PCDHA4: variants seen among roughly 807,000 people sequenced by gnomAD.
PCDHA4 encodes protocadherin alpha-4.
In PCDHA4, 49 loss-of-function variants were observed where a neutral mutation model predicts 61.4. That is an observed-to-expected ratio of 0.80 (90% CI 0.63 to 1.01). The LOEUF is 1.01. Ranked by LOEUF, PCDHA4 falls within the 50% of genes least tolerant of loss-of-function variation. The probability of loss-of-function intolerance (pLI) is 0.00; values close to 1 mark genes in which losing one functional copy is unlikely to be tolerated. For missense variants in PCDHA4, 1,254 were observed against 1,235.8 expected, an observed-to-expected ratio of 1.01 and a Z score of -0.22; for synonymous variants, 590 against 550.3, an observed-to-expected ratio of 1.07 and a Z score of -1.01.
chr5:140,913,955 AT>A (rs2076529735), intron 1 of PCDHA4, among the ~76,000 whole-genome samples: 2 of 152,108 alleles, frequency 1.3e-5, no homozygotes, highest in African/African-American at 2.4e-5. Context: ...ATATGATATC[AT>A]TTTTAAAAAA....
intron 1 of PCDHA4, among the ~76,000 whole-genome samples, chr5:140,855,081 C>T (rs868991206): frequency 6.7e-6 from 1 of 149,844 alleles, no homozygotes; most frequent in Non-Finnish European, 1.5e-5. Context: ...GAAACCACCA[C>T]TCTCAGCCTG....
chr5:140,841,277 C>T lies in PCDHA4; in HGVS notation c.2385+31705C>T. Reference sequence around the variant, plus strand: ...AGACTCTGAAAGTACAGTCGTTCATCTTTATATTAAGATAATATTTTCTGA... The same window carrying T: ...AGACTCTGAAAGTACAGTCGTTCATTTTTATATTAAGATAATATTTTCTGA... On this transcript the variant is annotated intron_variant, in intron 1 of 3. Coordinates refer to ENST00000530339, the MANE Select transcript of PCDHA4 (RefSeq NM_018907.4). 9 of 1,516,428 alleles carry T rather than the reference C, an allele frequency of 5.9e-6. 1 individual carries two copies. Among genetic ancestry groups the T allele is most frequent in the Non-Finnish European group, 8.0e-6 (9 of 1,128,112 alleles). The allele number at this position is 1,516,428 out of a possible 1,614,324, so 93.9% of individuals were successfully genotyped here. A position where few individuals can be genotyped will look rare whatever the true frequency, so the allele number is the denominator to read the frequency against.
At chr5:140,844,453 C>T (rs1452241460) in intron 1 of PCDHA4, among the ~76,000 whole-genome samples, 5 of 148,746 alleles carry the variant, frequency 3.4e-5, no homozygotes, top group Non-Finnish European at 7.5e-5. Context: ...TGTATTGTCG[C>T]CAACTTAACA....
chr5:140,861,466 T>C (rs533343348), intron 1 of PCDHA4: 34 of 493,930 alleles, frequency 6.9e-5, no homozygotes, highest in African/African-American at 6.7e-4. Context: ...GAGGTAAATC[T>C]GCAGAATGGC....
chr5:140,828,562 G>T, intron 1 of PCDHA4: 2 of 1,614,232 alleles, frequency 1.2e-6, no homozygotes. Flanking sequence ...TGGAGGGCGC[G>T]TCCGATGCAG....
intron 1 of PCDHA4, chr5:140,830,241 T>C: frequency 6.2e-7 from 1 of 1,613,934 alleles, no homozygotes; most frequent in Non-Finnish European, 8.5e-7. Flanking sequence ...ACGCTACTGC[T>C]GTACACAGCG....
At chr5:140,902,206 T>TC (rs2069239214) in intron 1 of PCDHA4, among the ~76,000 whole-genome samples, 1 of 145,724 alleles carries the variant, frequency 6.9e-6, no homozygotes, top group South Asian at 2.1e-4. Flanking sequence ...TCTCTTTCTT[T>TC]TTTTTTTTTT....
At chr5:140,973,358 A>G (rs1450961086) in intron 1 of PCDHA4, among the ~76,000 whole-genome samples, 1 of 152,234 alleles carries the variant, frequency 6.6e-6, no homozygotes, top group Non-Finnish European at 1.5e-5. Flanking sequence ...GTGAATTTAT[A>G]AAAATTGCAC....
intron 1 of PCDHA4, among the ~76,000 whole-genome samples, chr5:140,897,367 T>C (rs1554187348): frequency 8.0e-6 from 1 of 125,642 alleles, no homozygotes; most frequent in East Asian, 2.4e-4. Flanking sequence ...CAGAGTGTGA[T>C]GTTCCCTTCC....
chr5:140,847,929 T>C (rs1164805160), intron 1 of PCDHA4: 1 of 151,198 alleles, frequency 6.6e-6, no homozygotes, highest in African/African-American at 2.4e-5. Context: ...CACTAGAGAT[T>C]GCAACTCCTG....
At position 140,848,612 on chromosome 5, in the gene PCDHA4, C is replaced by T. The variant is rs141640003; in HGVS notation, c.2385+39040C>T. The T allele has an allele frequency of 2.7e-3, 4,330 of 1,586,952 alleles. 470 individuals carry two copies. Among genetic ancestry groups the T allele is most frequent in the Middle Eastern group, 9.9e-3 (57 of 5,730 alleles). On this transcript the variant is annotated intron_variant, in intron 1 of 3. Coordinates refer to ENST00000530339, the MANE Select transcript of PCDHA4 (RefSeq NM_018907.4). Reference sequence around the variant, plus strand: ...TCCACTACTCCGTCCCGGAGGAAGCCGAACACGGCACCTTCGTGGGCCGCA... The same window carrying T: ...TCCACTACTCCGTCCCGGAGGAAGCTGAACACGGCACCTTCGTGGGCCGCA...
intron 1 of PCDHA4, among the ~76,000 whole-genome samples, chr5:140,963,057 A>G (rs1004095673): frequency 1.3e-5 from 2 of 152,186 alleles, no homozygotes; most frequent in African/African-American, 4.8e-5. Context: ...AAGGGTTTCT[A>G]CATTGTGAAG....
Position 140,850,315 on chromosome 5 carries a change from T to G in PCDHA4, c.2385+40743T>G, listed in dbSNP as rs2150479120. 2.9e-5 allele frequency: 47 copies of G among 1,597,110 alleles called. 5 individuals are homozygous for G. Among genetic ancestry groups the G allele is most frequent in the Non-Finnish European group, 3.9e-5 (45 of 1,167,642 alleles). On this transcript the variant is annotated intron_variant, in intron 1 of 3. Coordinates refer to ENST00000530339, the MANE Select transcript of PCDHA4 (RefSeq NM_018907.4). ...GCCGACTCGGGCTACAACGCGTGGC[T>G]TTCATACGAGCTGCAGCCAGAAACG... is the stretch of plus-strand genomic sequence containing the variant.
chr5:140,819,074 A>G (rs1766485214), intron 1 of PCDHA4, among the ~76,000 whole-genome samples: 1 of 152,220 alleles, frequency 6.6e-6, no homozygotes, highest in Non-Finnish European at 1.5e-5. Flanking sequence ...CTCATTATAC[A>G]GGCAGCGCTA....
At chr5:140,907,752 T>C (rs1255877387) in intron 1 of PCDHA4, among the ~76,000 whole-genome samples, 5 of 152,190 alleles carry the variant, frequency 3.3e-5, no homozygotes, top group African/African-American at 1.2e-4. Flanking sequence ...ACTTTGTTCA[T>C]GGGCCCATTG....
At chr5:140,882,907 A>T (rs11744560) in intron 1 of PCDHA4, 226,049 of 1,614,134 alleles carry the variant, frequency 0.14, 16,618 homozygotes, top group Middle Eastern at 0.18. Context: ...TATTACTGAC[A>T]GCCAGTGATG....
At chr5:140,870,388 G>C in intron 1 of PCDHA4, 1 of 1,614,232 alleles carries the variant, frequency 6.2e-7, no homozygotes, top group Non-Finnish European at 8.5e-7. Flanking sequence ...TGCGCGGGAT[G>C]GGGGTTCGCC....
intron 3 of PCDHA4, among the ~76,000 whole-genome samples, chr5:140,987,294 C>A (rs1406567852): frequency 6.6e-6 from 1 of 152,004 alleles, no homozygotes; most frequent in Non-Finnish European, 1.5e-5. Context: ...AACAAGCCTT[C>A]TATGTGATAC....
Position 140,883,733 on chromosome 5 carries a change from C to T in PCDHA4, c.2385+74161C>T, listed in dbSNP as rs1554179634. 2.5e-6 allele frequency: 4 copies of T among 1,613,458 alleles called. No individual in the cohort carries two copies. In the East Asian group the frequency reaches 6.7e-5, roughly 27 times the overall value. On this transcript the variant is annotated intron_variant, in intron 1 of 3. Coordinates refer to ENST00000530339, the MANE Select transcript of PCDHA4 (RefSeq NM_018907.4). ...GGACGCGGACGCACAGGAGAACGCG[C>T]TGGTCTCCTACTCGCTGGTGGAGCG...
Sources: allele counts gnomAD v4.1 joint callset (sites outside exome capture counted in the v4.1 genomes callset), GRCh38; gene constraint gnomAD v4.1.1; transcripts MANE v1.5; gene names NCBI Gene and HGNC (gene_info 2026-07-23, HGNC 2026-07-21).